STK32A: variants seen among roughly 807,000 people sequenced by gnomAD.
STK32A encodes the protein serine/threonine kinase 32A.
STK32A carries 41 observed loss-of-function variants against 53.2 expected under a neutral mutation model. The ratio of observed to expected loss-of-function variants is 0.77; its 90% CI spans 0.60 to 1.00. STK32A has a LOEUF of 1.00. STK32A is among the 50% of genes least tolerant of loss of function. The pLI, the probability that STK32A is intolerant of heterozygous loss-of-function variation, is 0.00. For synonymous variants in STK32A, 166 were observed against 162.8 expected, an observed-to-expected ratio of 1.02 and a Z score of -0.15; for missense variants, 458 against 485.8, an observed-to-expected ratio of 0.94 and a Z score of 0.54.
chr5:147,379,757 AC>A (rs1034637115), intron 11 of STK32A, among the ~76,000 whole-genome samples: 1 of 151,946 alleles, frequency 6.6e-6, no homozygotes, highest in Admixed American at 6.5e-5. Context: ...ACCTGCTCTA[AC>A]CCCTTCCAAT....
At chr5:147,242,733 T>C (rs1753630942) in intron 2 of STK32A, among the ~76,000 whole-genome samples, 2 of 152,224 alleles carry the variant, frequency 1.3e-5, no homozygotes, top group African/African-American at 4.8e-5. Flanking sequence ...GAGACTGCAT[T>C]TATTGCCATG....
chr5:147,337,877 A>T (rs926027340), intron 5 of STK32A, among the ~76,000 whole-genome samples: 2 of 152,188 alleles, frequency 1.3e-5, no homozygotes, highest in African/African-American at 4.8e-5. Context: ...TATTGAATAA[A>T]TGCTAGTCAG....
At chr5:147,344,414 G>C (rs896177646) in intron 6 of STK32A, among the ~76,000 whole-genome samples, 2 of 152,066 alleles carry the variant, frequency 1.3e-5, no homozygotes, top group Non-Finnish European at 1.5e-5. Context: ...TGAAAACAGG[G>C]TCTCTGATTC....
At chr5:147,394,065 G>T in the STK32A span, 6 of 1,614,030 alleles carry the variant, frequency 3.7e-6, 1 homozygote, top group African/African-American at 8.0e-5. Flanking sequence ...TAGAACGGCC[G>T]CCTGGGGGCG....
chr5:147,245,203 A>G (rs1437938352), intron 2 of STK32A, among the ~76,000 whole-genome samples: 1 of 152,212 alleles, frequency 6.6e-6, no homozygotes, highest in African/African-American at 2.4e-5. Flanking sequence ...TGGGATGAAA[A>G]TAACTAAAGT....
chr5:147,322,849 G>C (rs569640428), intron 4 of STK32A, among the ~76,000 whole-genome samples: 3 of 152,216 alleles, frequency 2.0e-5, no homozygotes, highest in South Asian at 4.2e-4. Flanking sequence ...CTTCCTGTGT[G>C]AAGCCCATGT....
chr5:147,373,186 A>T lies in STK32A; in HGVS notation c.795A>T (p.Pro265=). 1 of 1,613,336 alleles carries T rather than the reference A, an allele frequency of 6.2e-7. No individual in the cohort carries two copies. Among genetic ancestry groups the T allele is most frequent in the Non-Finnish European group, 8.5e-7 (1 of 1,179,524 alleles). ...ATTGGCAGCTACTCGAACCTAATCCAGACCAACGATTTTCTCAGTTATCTG... is the reference window on the plus strand; with the variant it reads ...ATTGGCAGCTACTCGAACCTAATCCTGACCAACGATTTTCTCAGTTATCTG... The part of the protein sequence containing the change: ...SLLKKLLEPN[P]DQRFSQLSDV... Residue 265 remains proline (P), a synonymous_variant, in exon 10 of 13, where the codon CCA becomes CCT. Coordinates refer to ENST00000397936, the MANE Select transcript of STK32A (RefSeq NM_001112724.2).
intron 4 of STK32A, among the ~76,000 whole-genome samples, chr5:147,307,391 C>A (rs1753462371): frequency 6.6e-6 from 1 of 152,004 alleles, no homozygotes; most frequent in Admixed American, 6.6e-5. Flanking sequence ...AAGGCCGAGG[C>A]AGGCAGATCA....
At chr5:147,395,695 C>T in the STK32A span, 1 of 1,614,018 alleles carries the variant, frequency 6.2e-7, no homozygotes, top group Non-Finnish European at 8.5e-7. Context: ...CGTACATGCC[C>T]CTTGGGACGG....
At chr5:147,325,543 T>G (rs1754539154) in intron 5 of STK32A, among the ~76,000 whole-genome samples, 1 of 152,192 alleles carries the variant, frequency 6.6e-6, no homozygotes, top group Admixed American at 6.5e-5. Context: ...AGGCCAGTTC[T>G]TTTATTTATT....
intron 7 of STK32A, among the ~76,000 whole-genome samples, chr5:147,359,660 G>T (rs1228599082): frequency 6.6e-6 from 1 of 152,154 alleles, no homozygotes; most frequent in Non-Finnish European, 1.5e-5. Context: ...TGAGAAGGGA[G>T]AGCAGAAATA....
intron 4 of STK32A, among the ~76,000 whole-genome samples, chr5:147,285,085 G>A (rs1042813869): frequency 2.0e-5 from 3 of 152,066 alleles, no homozygotes; most frequent in African/African-American, 7.2e-5. Context: ...AAACAGCATG[G>A]TACTGGTACA....
intron 2 of STK32A, among the ~76,000 whole-genome samples, chr5:147,271,947 C>G (rs1445496068): frequency 6.6e-6 from 1 of 152,050 alleles, no homozygotes; most frequent in African/African-American, 2.4e-5. Context: ...TCTCTGTGAC[C>G]CACACCCTAT....
At chr5:147,274,523 C>T (rs893588249) in intron 2 of STK32A, among the ~76,000 whole-genome samples, 1 of 152,182 alleles carries the variant, frequency 6.6e-6, no homozygotes, top group Non-Finnish European at 1.5e-5. Context: ...TGCAAGGACA[C>T]CACACCAGAG....
intron 2 of STK32A, among the ~76,000 whole-genome samples, chr5:147,260,911 C>G (rs1438959577): frequency 6.6e-6 from 1 of 152,224 alleles, no homozygotes; most frequent in Non-Finnish European, 1.5e-5. Context: ...ACATTTAACC[C>G]TCCAGAATTT....
At chr5:147,257,306 G>A (rs12521919) in intron 2 of STK32A, among the ~76,000 whole-genome samples, 46,380 of 151,668 alleles carry the variant, frequency 0.31, 7,333 homozygotes, top group African/African-American at 0.38. Context: ...AAATTTCCCC[G>A]GATTAAATGG....
At chr5:147,271,829 G>A (rs944699024) in intron 2 of STK32A, among the ~76,000 whole-genome samples, 3 of 152,052 alleles carry the variant, frequency 2.0e-5, no homozygotes. Flanking sequence ...AATGACAATG[G>A]TGCCCGAAAC....
In STK32A at chr5:147,386,406, C is replaced by A. The variant is rs767246393; in HGVS notation, c.*2423C>A. ...GCTGTGGACTCACCTCCCTAAGTAACCAGGTTCCTCCTCTCGCTGCAACCT... is the reference window on the plus strand; with the variant it reads ...GCTGTGGACTCACCTCCCTAAGTAAACAGGTTCCTCCTCTCGCTGCAACCT... On this transcript the variant is annotated 3_prime_UTR_variant, in exon 13 of 13. Coordinates refer to ENST00000397936, the MANE Select transcript of STK32A (RefSeq NM_001112724.2). 1 of 152,154 alleles carries A rather than the reference C, an allele frequency of 6.6e-6. No individual in the cohort carries two copies. 9.4% of individuals were successfully genotyped at this position (152,154 alleles called of 1,614,324 possible). A position where few individuals can be genotyped will look rare whatever the true frequency, so the allele number is the denominator to read the frequency against.
At chr5:147,337,882 A>T (rs1056166939) in intron 5 of STK32A, among the ~76,000 whole-genome samples, 2 of 152,186 alleles carry the variant, frequency 1.3e-5, no homozygotes, top group Non-Finnish European at 2.9e-5. Flanking sequence ...AATAAATGCT[A>T]GTCAGGGGCT....
Sources: allele counts gnomAD v4.1 joint callset (sites outside exome capture counted in the v4.1 genomes callset), GRCh38; gene constraint gnomAD v4.1.1; transcripts MANE v1.5; gene names NCBI Gene and HGNC (gene_info 2026-07-23, HGNC 2026-07-21).